Variants in SPTAN1 observed in about 807,000 individuals in gnomAD.
SPTAN1 encodes the protein spectrin alpha, non-erythrocytic 1.
SPTAN1 carries 61 observed loss-of-function variants against 331.3 expected under a neutral mutation model. The ratio of observed to expected loss-of-function variants is 0.18; its 90% CI spans 0.15 to 0.23. The LOEUF is 0.23. Ranked by LOEUF, SPTAN1 falls within the 10% of genes least tolerant of loss-of-function variation. The probability of loss-of-function intolerance (pLI) is 1.00; values close to 1 mark genes in which losing one functional copy is unlikely to be tolerated. For missense variants in SPTAN1, 2,043 were observed against 3,147.9 expected, an observed-to-expected ratio of 0.65 and a Z score of 8.40; for synonymous variants, 1,153 against 1,173.9, an observed-to-expected ratio of 0.98 and a Z score of 0.36.
At position 128,609,431 on chromosome 9, in the gene SPTAN1, C is replaced by G. The variant is rs956255952; in HGVS notation, c.4758+147C>G. 6 of 1,299,146 alleles carry G rather than the reference C, an allele frequency of 4.6e-6. No homozygotes were observed. The African/African-American group carries it at 5.9e-5, about 13-fold the overall frequency. The allele number at this position is 1,299,146 out of a possible 1,614,324, so 80.5% of individuals were successfully genotyped here. ...CAGTAAGCCCAGCCAGTGGGAAAGC[C>G]CTAGTCAAGTTTCAGAGCCATTTAA... On this transcript the variant is annotated intron_variant, in intron 36 of 56. Transcript: ENST00000372739.
rs529985786 is a variant in SPTAN1 at position 128,628,469 on chromosome 9, C to G, written c.6707+527C>G. The G allele has an allele frequency of 3.2e-4, 107 of 329,764 alleles. 1 individual carries two copies. The highest frequency in any genetic ancestry group is 7.9e-4 in the South Asian group (32 of 40,452). The allele number at this position is 329,764 out of a possible 1,614,324, so 20.4% of individuals were successfully genotyped here. A position where few individuals can be genotyped will look rare whatever the true frequency, so the allele number is the denominator to read the frequency against. On this transcript the variant is annotated intron_variant, in intron 51 of 56. Coordinates refer to ENST00000372739, the MANE Select transcript of SPTAN1 (RefSeq NM_001130438.3). ...CCTGGGGTCAGGGAGGGTAACAAGA[C>G]TGTCCGCCCTAATAGAAGGCAAAAA...
intron 45 of SPTAN1, among the ~76,000 whole-genome samples, chr9:128,624,007 C>T (rs775957658): frequency 2.9e-5 from 4 of 138,766 alleles, no homozygotes; most frequent in African/African-American, 5.2e-5. Flanking sequence ...CTCTTGAACC[C>T]GGGAGGCGGA....
At chr9:128,632,533 A>AG (rs559504750) in intron 54 of SPTAN1, 39 bp from the exon 55 acceptor site, 51 of 1,614,030 alleles carry the variant, frequency 3.2e-5, no homozygotes, top group Non-Finnish European at 4.2e-5. Flanking sequence ...GTTCGGCAGC[A>AG]GGGCTGCCTG....
chr9:128,618,858 C>G lies in SPTAN1; in HGVS notation c.5601-13C>G. The G allele has an allele frequency of 3.1e-6, 5 of 1,614,130 alleles. No individual in the cohort carries two copies. The highest frequency in any genetic ancestry group is 4.2e-6 in the Non-Finnish European group (5 of 1,180,018). ...AGATTATGGCTGATTTTCTTCCTGTCTCCTGTAATTAGGGGTCAGCGGCTG... is the reference window on the plus strand; with the variant it reads ...AGATTATGGCTGATTTTCTTCCTGTGTCCTGTAATTAGGGGTCAGCGGCTG... On this transcript the variant is annotated splice_polypyrimidine_tract_variant and intron_variant, in intron 43 of 56. Coordinates refer to ENST00000372739, the MANE Select transcript of SPTAN1 (RefSeq NM_001130438.3).
chr9:128,564,929 C>T (rs1464665726), intron 1 of SPTAN1, among the ~76,000 whole-genome samples: 2 of 152,152 alleles, frequency 1.3e-5, no homozygotes, highest in Non-Finnish European at 2.9e-5. Flanking sequence ...GTAGGGGTCA[C>T]GGGTGAGAGA....
chr9:128,593,788 G>A (rs1342377820), intron 23 of SPTAN1: 1 of 267,214 alleles, frequency 3.7e-6, no homozygotes, highest in African/African-American at 2.2e-5. Context: ...ATAAAAGACA[G>A]AAAAACCCTC....
At position 128,582,774 on chromosome 9, in the gene SPTAN1, G is replaced by A; in HGVS notation, c.1731G>A (p.Gln577=). The part of the protein sequence containing the change: ...AQLADSFHLQ[Q]FFRDSDELKS... ...TAGCCGATTCTTTCCATCTGCAGCAGTTTTTCCGTGATTCTGATGAGCTCA... is the reference window on the plus strand; with the variant it reads ...TAGCCGATTCTTTCCATCTGCAGCAATTTTTCCGTGATTCTGATGAGCTCA... The change falls in exon 14 of 57, where the codon CAG becomes CAA. Residue 577 remains glutamine, a synonymous_variant. Transcript: ENST00000372739. 1.2e-6 allele frequency: 2 copies of A among 1,614,066 alleles called. No individual in the cohort carries two copies. Among genetic ancestry groups the A allele is most frequent in the Non-Finnish European group, 1.7e-6 (2 of 1,180,026 alleles).
chr9:128,581,101 G>T lies in SPTAN1; in HGVS notation c.1461+42G>T, dbSNP rs190096460. The stretch of plus-strand genomic sequence containing the variant: ...GCCTTGCCAGTGGTGGGAGAAGAAG[G>T]GCCTGTGTTTTGCCTCCTCGGGTAG... On this transcript the variant is annotated intron_variant, in intron 11 of 56. Transcript: ENST00000372739. The T allele has an allele frequency of 6.2e-6, 10 of 1,612,474 alleles. No individual in the cohort carries two copies. In the Admixed American group the frequency reaches 1.7e-4, roughly 27 times the overall value.
chr9:128,578,064 T>A, intron 8 of SPTAN1, 46 bp from the exon 9 acceptor site: 1 of 1,613,148 alleles, frequency 6.2e-7, no homozygotes, highest in Non-Finnish European at 8.5e-7. Context: ...TTTTCCACCC[T>A]GGAACCTCCG....
At chr9:128,618,708 C>A (rs939309763) in intron 43 of SPTAN1, among the ~76,000 whole-genome samples, 163 bp from the exon 44 acceptor site, 1 of 152,158 alleles carries the variant, frequency 6.6e-6, no homozygotes, top group Non-Finnish European at 1.5e-5. Flanking sequence ...TGGTCTCGAT[C>A]TCCTGATCTC....
chr9:128,598,418 T>A lies in SPTAN1; in HGVS notation c.3433T>A (p.Ser1145Thr). ...TTTAAAGGACCTGAAGGCCAATGAG[T>A]CACGGTTGAAGGACATTAACAAGGT... Reference protein sequence around the residue: ...DFQKDLKANESRLKDINKVAE... With the variant: ...DFQKDLKANETRLKDINKVAE... The change falls in exon 25 of 57, where the codon TCA becomes ACA. Residue 1145 changes from serine to threonine, a missense_variant. This residue lies in a region of SPTAN1 where 1,038 missense variants were observed against 1,531.5 expected (regional missense o/e 0.68). Transcript: ENST00000372739. 1 of 1,613,124 alleles carries A rather than the reference T, an allele frequency of 6.2e-7. No individual in the cohort carries two copies. Among genetic ancestry groups the A allele is most frequent in the Non-Finnish European group, 8.5e-7 (1 of 1,179,846 alleles).
chr9:128,557,565 C>A (rs1320009949), intron 1 of SPTAN1, among the ~76,000 whole-genome samples: 1 of 151,082 alleles, frequency 6.6e-6, no homozygotes, highest in African/African-American at 2.4e-5. Flanking sequence ...TTTTTATACT[C>A]CCAAATTTTA....
intron 24 of SPTAN1, 126 bp downstream of exon 24, chr9:128,594,499 C>A (rs1433352961): frequency 1.1e-6 from 1 of 890,298 alleles, no homozygotes; most frequent in Non-Finnish European, 1.7e-6. Flanking sequence ...GGTATGACTT[C>A]GGCTCACTGC....
chr9:128,632,102 G>GCAT, intron 52 of SPTAN1, 25 bp from the exon 53 acceptor site: 1 of 1,611,128 alleles, frequency 6.2e-7, no homozygotes. Context: ...CCCCGTCTGA[G>GCAT]CATCTGTGCT....
At position 128,625,724 on chromosome 9, in the gene SPTAN1, A is replaced by G. The variant is rs759204260; in HGVS notation, c.6070-45A>G. 1 of 1,581,328 alleles carries G rather than the reference A, an allele frequency of 6.3e-7. No homozygotes were observed. The highest frequency in any genetic ancestry group is 8.7e-7 in the Non-Finnish European group (1 of 1,152,740). On this transcript the variant is annotated intron_variant, in intron 47 of 56. Transcript: ENST00000372739. This position sits in a 1 kb window ranked among gnomAD's most constrained non-coding sequence, Gnocchi z 4.1. ...TCTGAGCCTAGGAAGAGCAAGTTCC[A>G]GTCCTGTGGAGTCACCACAAATTGG...
chr9:128,626,340 C>T (rs372664308), intron 48 of SPTAN1, 51 bp from the exon 49 acceptor site: 5 of 1,604,118 alleles, frequency 3.1e-6, no homozygotes, highest in East Asian at 4.5e-5. Flanking sequence ...TGCACTGCGT[C>T]GGCACGTCCA....
At chr9:128,568,648 C>A in intron 2 of SPTAN1, 124 bp from the exon 3 acceptor site, 1 of 1,334,664 alleles carries the variant, frequency 7.5e-7, no homozygotes, top group Non-Finnish European at 1.0e-6. Flanking sequence ...GGGCAAGGTG[C>A]CAAATGATGT....
At chr9:128,590,590 G>A (rs1043947522) in intron 21 of SPTAN1, among the ~76,000 whole-genome samples, 2 of 148,288 alleles carry the variant, frequency 1.3e-5, no homozygotes, top group African/African-American at 5.0e-5. Flanking sequence ...GGTGGTTCAC[G>A]CCTATAATAT....
chr9:128,602,649 T>C (rs1855328351), intron 27 of SPTAN1, among the ~76,000 whole-genome samples: 1 of 151,892 alleles, frequency 6.6e-6, no homozygotes, highest in African/African-American at 2.4e-5. Context: ...TATTTATTTA[T>C]TTTCGAGTCG....
Sources: allele counts gnomAD v4.1 joint callset (sites outside exome capture counted in the v4.1 genomes callset), GRCh38; gene constraint gnomAD v4.1.1; regional missense constraint gnomAD v4.1.1; non-coding constraint Gnocchi (gnomAD v3.1); transcripts MANE v1.5; gene names NCBI Gene and HGNC (gene_info 2026-07-23, HGNC 2026-07-21).